MAPK6: variants seen among roughly 807,000 people sequenced by gnomAD.
The protein encoded by MAPK6 is ERK-3.
MAPK6 carries 19 observed loss-of-function variants against 59.3 expected under a neutral mutation model. That is an observed-to-expected ratio of 0.32 (90% CI 0.22 to 0.47). MAPK6 has a LOEUF of 0.47. Among genes scored for constraint, MAPK6 ranks in the 20% least tolerant of loss-of-function variants. MAPK6 has a pLI of 1.00. For synonymous variants in MAPK6, 316 were observed against 290.3 expected, an observed-to-expected ratio of 1.09 and a Z score of -0.90; for missense variants, 724 against 847.9, an observed-to-expected ratio of 0.85 and a Z score of 1.81.
intron 3 of MAPK6, among the ~76,000 whole-genome samples, chr15:52,011,907 T>C (rs1469806908): frequency 6.6e-6 from 1 of 152,220 alleles, no homozygotes; most frequent in Admixed American, 6.5e-5. Flanking sequence ...AAGCTTCAAG[T>C]TGGAGACCAT....
chr15:51,983,133 C>G (rs1254761247), intron 1 of MAPK6, among the ~76,000 whole-genome samples: 1 of 152,094 alleles, frequency 6.6e-6, no homozygotes, highest in African/African-American at 2.4e-5. Context: ...AATAGGAAAA[C>G]AGCCAAAAAA....
intron 1 of MAPK6, chr15:52,024,735 A>C (rs2030689810): frequency 6.6e-6 from 1 of 152,208 alleles, no homozygotes; most frequent in Non-Finnish European, 1.5e-5. Flanking sequence ...TTTGTAAATA[A>C]GAGGCACAAT....
Position 51,971,888 on chromosome 15 carries a change from T to C in MAPK6, c.-898T>C, listed in dbSNP as rs2057128234. On this transcript the variant is annotated 5_prime_UTR_variant, in exon 1 of 8. Transcript: ENST00000691380. ...CGTGACCTAGTTTTCGCTCGCCCAG[T>C]GAACCTGTTCTCGCCTGGGTATGCA... 5 of 834,196 alleles carry C rather than the reference T, an allele frequency of 6.0e-6. No homozygotes were observed. The Admixed American group carries it at 7.9e-5, about 13-fold the overall frequency. The allele number at this position is 834,196 out of a possible 1,614,324, so 51.7% of individuals were successfully genotyped here. A position where few individuals can be genotyped will look rare whatever the true frequency, so the allele number is the denominator to read the frequency against.
chr15:52,017,021 C>G (rs533678001), upstream of MAPK6: 1 of 153,246 alleles, frequency 6.5e-6, no homozygotes, highest in Admixed American at 6.6e-5. Context: ...ACTCTGCACT[C>G]CAGCCTGGCG....
At chr15:52,022,837 G>C (rs1368482263) in intron 1 of MAPK6, among the ~76,000 whole-genome samples, 1 of 152,054 alleles carries the variant, frequency 6.6e-6, no homozygotes. Flanking sequence ...GAGGCCGGGG[G>C]CAGTGGCTAA....
At position 52,064,969 on chromosome 15, in the gene MAPK6, CAT is replaced by C; in HGVS notation, c.2137_2138del (p.Tyr713GlnfsTer31). On this transcript the variant is annotated frameshift_variant, in exon 6 of 6. Coordinates refer to ENST00000261845, the MANE Select transcript of MAPK6 (RefSeq NM_002748.4). LOFTEE classifies it high-confidence loss of function. ...TCTTCCCCTCAAATTCCTCATCAAA[CAT>C]ACAGCAGCATTCTGAAACATCTGAA... 6.2e-7 allele frequency: 1 copy of C among 1,609,890 alleles called. No individual in the cohort carries two copies.
chr15:52,063,481 CTATTCATGG>C (rs1374532823), intron 5 of MAPK6, among the ~76,000 whole-genome samples: 1 of 151,944 alleles, frequency 6.6e-6, no homozygotes, highest in African/African-American at 2.4e-5. Flanking sequence ...GAGATTTTTG[CTATTCATGG>C]TGATGAGTTT....
chr15:51,985,161 G>C, intron 2 of MAPK6, among the ~76,000 whole-genome samples: 1 of 152,006 alleles, frequency 6.6e-6, no homozygotes, highest in East Asian at 1.9e-4. Flanking sequence ...GGGGAACATA[G>C]TGAGACCCAA....
chr15:52,060,077 A>G (rs1474322388), intron 4 of MAPK6, among the ~76,000 whole-genome samples: 2 of 152,054 alleles, frequency 1.3e-5, no homozygotes, highest in African/African-American at 4.8e-5. Flanking sequence ...TATACCATAT[A>G]TTTCTCTAAG....
At chr15:51,972,225 A>G (rs374122201) in intron 1 of MAPK6, among the ~76,000 whole-genome samples, 181 of 152,104 alleles carry the variant, frequency 1.2e-3, no homozygotes, top group East Asian at 8.8e-3. Context: ...AGCAACCTCC[A>G]CTGTCCGGGT....
At chr15:51,981,429 G>T (rs1459431881) in intron 1 of MAPK6, among the ~76,000 whole-genome samples, 1 of 149,978 alleles carries the variant, frequency 6.7e-6, no homozygotes, top group African/African-American at 2.5e-5. Context: ...CCGAGATCGT[G>T]CCACTGCAGT....
intron 2 of MAPK6, among the ~76,000 whole-genome samples, chr15:51,996,634 G>A (rs577252373): frequency 6.6e-6 from 1 of 151,928 alleles, no homozygotes; most frequent in Non-Finnish European, 1.5e-5. Context: ...GGCCTCAAGC[G>A]ATCCACCTGT....
rs911266212 is a variant in MAPK6, at chr15:52,066,725, A to G, written c.*1725A>G. On this transcript the variant is annotated 3_prime_UTR_variant, in exon 6 of 6. Transcript: ENST00000261845. ...TATCTGCCCACCTACCTTCTCAACA[A>G]CTGACTTCATCTGGATTCACAAAGC... is the stretch of plus-strand genomic sequence containing the variant. The G allele has an allele frequency of 2.6e-5, 4 of 151,130 alleles. No homozygotes were observed. Among genetic ancestry groups the G allele is most frequent in the African/African-American group, 9.7e-5 (4 of 41,072 alleles). The allele number at this position is 151,130 out of a possible 1,614,324, so 9.4% of individuals were successfully genotyped here. A position where few individuals can be genotyped will look rare whatever the true frequency, so the allele number is the denominator to read the frequency against.
In MAPK6 at chr15:52,066,708, C is replaced by T. The variant is rs1031428260; in HGVS notation, c.*1708C>T. ...AACACCAATTCTATTAATATCTGCC[C>T]ACCTACCTTCTCAACAACTGACTTC... On this transcript the variant is annotated 3_prime_UTR_variant, in exon 6 of 6. Transcript: ENST00000261845. The T allele has an allele frequency of 1.3e-5, 2 of 151,840 alleles. No homozygotes were observed. Among genetic ancestry groups the T allele is most frequent in the East Asian group, 1.9e-4 (1 of 5,162 alleles). 9.4% of individuals were successfully genotyped at this position (151,840 alleles called of 1,614,324 possible).
At chr15:51,997,976 G>A (rs1052205788) in intron 2 of MAPK6, among the ~76,000 whole-genome samples, 5 of 140,206 alleles carry the variant, frequency 3.6e-5, no homozygotes, top group East Asian at 2.1e-4. Context: ...ACAAAGTCTC[G>A]CTCTGTCACC....
intron 1 of MAPK6, among the ~76,000 whole-genome samples, chr15:51,971,974 G>T (rs188877233): frequency 2.8e-4 from 43 of 152,188 alleles, no homozygotes; most frequent in Middle Eastern, 3.4e-3. Flanking sequence ...TTACCAGGGG[G>T]CGGGGGGGTC....
chr15:52,049,612 A>ATT (rs934846995), intron 2 of MAPK6, among the ~76,000 whole-genome samples: 94 of 124,186 alleles, frequency 7.6e-4, no homozygotes, highest in African/African-American at 2.2e-3. Context: ...AAAGATTAGG[A>ATT]TTTTTTTTTT....
chr15:51,993,414 A>G (rs1353700418), intron 2 of MAPK6, among the ~76,000 whole-genome samples: 1 of 152,206 alleles, frequency 6.6e-6, no homozygotes, highest in Admixed American at 6.6e-5. Context: ...CAGACCCAGG[A>G]GATTGTTTAC....
At chr15:52,047,038 GAC>G in intron 2 of MAPK6, 23 bp downstream of exon 2, 1 of 1,497,520 alleles carries the variant, frequency 6.7e-7, no homozygotes. Context: ...AGCCAGCTGA[GAC>G]AGATCTTTAA....
Sources: allele counts gnomAD v4.1 joint callset (sites outside exome capture counted in the v4.1 genomes callset), GRCh38; gene constraint gnomAD v4.1.1; transcripts MANE v1.5; gene names NCBI Gene and HGNC (gene_info 2026-07-23, HGNC 2026-07-21).